The following RTN1 variants were observed in gnomAD, a reference collection of about 807,000 sequenced individuals.
The protein encoded by RTN1 is reticulon 1, also known as reticulon-1.
A neutral mutation model predicts 65.5 loss-of-function variants in RTN1; 25 were observed. The observed-to-expected ratio is 0.38, with a 90% CI of 0.28 to 0.53. The LOEUF is 0.53. Ranked by LOEUF, RTN1 falls within the 20% of genes least tolerant of loss-of-function variation. The pLI is 0.79. For missense variants in RTN1, 983 were observed against 1,025.4 expected, an observed-to-expected ratio of 0.96 and a Z score of 0.57; for synonymous variants, 471 against 447.6, an observed-to-expected ratio of 1.05 and a Z score of -0.66.
chr14:59,717,708 G>C (rs1884566061), intron 3 of RTN1, among the ~76,000 whole-genome samples: 1 of 152,208 alleles, frequency 6.6e-6, no homozygotes, highest in Admixed American at 6.5e-5. Flanking sequence ...GGAGGTGGAA[G>C]TCTCGAAGTA....
chr14:59,705,728 C>T (rs1050661805), intron 3 of RTN1, among the ~76,000 whole-genome samples: 4 of 152,292 alleles, frequency 2.6e-5, no homozygotes, highest in Admixed American at 1.3e-4. Context: ...TTTCATTGCC[C>T]TTATAACACT....
chr14:59,855,463 G>C (rs532218075), intron 1 of RTN1, among the ~76,000 whole-genome samples: 2 of 152,072 alleles, frequency 1.3e-5, no homozygotes, highest in South Asian at 4.1e-4. Context: ...CTATTTCTTT[G>C]CTGGGGACTC....
intron 1 of RTN1, among the ~76,000 whole-genome samples, chr14:59,852,542 G>A (rs544270284): frequency 3.3e-4 from 51 of 152,278 alleles, no homozygotes; most frequent in African/African-American, 1.1e-3. Context: ...GGCAGCGACT[G>A]AAGTGTACAC....
chr14:59,726,266 C>T (rs550430445), intron 3 of RTN1, among the ~76,000 whole-genome samples: 57 of 152,282 alleles, frequency 3.7e-4, no homozygotes, highest in Non-Finnish European at 6.8e-4. Flanking sequence ...AACATAATGA[C>T]CACATTAAAT....
intron 4 of RTN1, 113 bp from the exon 5 acceptor site, chr14:59,605,619 A>G: frequency 1.7e-6 from 2 of 1,154,306 alleles, no homozygotes; most frequent in Non-Finnish European, 2.5e-6. Context: ...TGAGAGCAGG[A>G]GTCATCTCTG....
At chr14:59,851,692 T>C (rs1566747743) in intron 1 of RTN1, among the ~76,000 whole-genome samples, 1 of 151,994 alleles carries the variant, frequency 6.6e-6, no homozygotes. Flanking sequence ...ACCCTGTCTT[T>C]ACTAAATACA....
At chr14:59,648,387 C>T (rs368565634) in intron 3 of RTN1, among the ~76,000 whole-genome samples, 1 of 152,190 alleles carries the variant, frequency 6.6e-6, no homozygotes, top group Admixed American at 6.5e-5. Context: ...TGGTACCATT[C>T]CTACTGAAAC....
At chr14:59,793,194 A>C (rs1448814305) in intron 1 of RTN1, among the ~76,000 whole-genome samples, 2 of 152,208 alleles carry the variant, frequency 1.3e-5, no homozygotes, top group Non-Finnish European at 2.9e-5. Flanking sequence ...ACTAATTAAC[A>C]TCAAGTACAC....
intron 1 of RTN1, among the ~76,000 whole-genome samples, chr14:59,858,278 G>A (rs1887645000): frequency 6.6e-6 from 1 of 152,138 alleles, no homozygotes; most frequent in Non-Finnish European, 1.5e-5. Context: ...GCTTCCCTAG[G>A]ATGAGGTCTG....
At chr14:59,756,440 C>T (rs1885638264) in intron 1 of RTN1, among the ~76,000 whole-genome samples, 1 of 152,104 alleles carries the variant, frequency 6.6e-6, no homozygotes, top group African/African-American at 2.4e-5. Flanking sequence ...TTAAAGTGTA[C>T]AATTCAGAAG....
At chr14:59,685,904 C>A (rs1168361705) in intron 3 of RTN1, among the ~76,000 whole-genome samples, 1 of 152,164 alleles carries the variant, frequency 6.6e-6, no homozygotes, top group Non-Finnish European at 1.5e-5. Context: ...ATCACACTAC[C>A]TGACTTCAAA....
chr14:59,732,464 G>A (rs73311585), intron 2 of RTN1, among the ~76,000 whole-genome samples: 2,314 of 152,300 alleles, frequency 0.015, 62 homozygotes, highest in African/African-American at 0.053. Context: ...ATGAAGAAAA[G>A]CAGGGCAGGG....
chr14:59,799,790 A>G (rs1033149686), intron 1 of RTN1, among the ~76,000 whole-genome samples: 1 of 152,172 alleles, frequency 6.6e-6, no homozygotes, highest in Non-Finnish European at 1.5e-5. Flanking sequence ...TAGGAAAAAA[A>G]GCTGTAAGTC....
chr14:59,686,716 G>C (rs1011790778), intron 3 of RTN1, among the ~76,000 whole-genome samples: 5 of 152,140 alleles, frequency 3.3e-5, no homozygotes, highest in Admixed American at 1.3e-4. Flanking sequence ...CTTTCCACTG[G>C]GGATCTGAGC....
intron 4 of RTN1, 54 bp from the exon 5 acceptor site, chr14:59,605,560 G>A: frequency 6.3e-7 from 1 of 1,593,798 alleles, no homozygotes. Context: ...CATGAGACAG[G>A]CTGCCGAACC....
chr14:59,798,624 C>A (rs1211421459), intron 1 of RTN1, among the ~76,000 whole-genome samples: 1 of 152,286 alleles, frequency 6.6e-6, no homozygotes, highest in Non-Finnish European at 1.5e-5. Context: ...CATCCTCTTA[C>A]CTGACTCTGA....
intron 1 of RTN1, among the ~76,000 whole-genome samples, chr14:59,844,356 T>C (rs1158620639): frequency 6.6e-6 from 1 of 152,224 alleles, no homozygotes; most frequent in East Asian, 1.9e-4. Context: ...TGAGTTCAGC[T>C]AATTTTTTCT....
intron 1 of RTN1, among the ~76,000 whole-genome samples, chr14:59,835,188 G>A (rs1887192579): frequency 6.6e-6 from 1 of 151,812 alleles, no homozygotes; most frequent in Non-Finnish European, 1.5e-5. Flanking sequence ...ATGAAATGCT[G>A]ATACACACAA....
chr14:59,713,271 T>C (rs1725876758), intron 3 of RTN1, among the ~76,000 whole-genome samples: 1 of 152,146 alleles, frequency 6.6e-6, no homozygotes, highest in South Asian at 2.1e-4. Flanking sequence ...AAGGGGCCAC[T>C]GGTGGGGGAA....
Sources: gnomAD v4.1 joint callset for allele counts (sites outside exome capture counted in the v4.1 genomes callset) on GRCh38, gnomAD v4.1.1 for gene constraint, MANE v1.5 for transcripts, NCBI Gene and HGNC (gene_info 2026-07-23, HGNC 2026-07-21) for gene names.